The following KLKB1 variants were observed in gnomAD, a reference collection of about 807,000 sequenced individuals.
KLKB1 encodes the protein kallikrein B1.
Under a neutral mutation model 73.6 loss-of-function variants are expected in KLKB1, and 58 were observed. The observed-to-expected ratio is 0.79, with a 90% CI of 0.64 to 0.98. KLKB1 has a LOEUF of 0.98. KLKB1 is among the 50% of genes least tolerant of loss of function. The probability of loss-of-function intolerance (pLI) is 0.00; values close to 1 mark genes in which losing one functional copy is unlikely to be tolerated. For missense variants in KLKB1, 737 were observed against 763.8 expected (o/e 0.96, Z 0.41); for synonymous variants, 280 against 258.1 (o/e 1.08, Z -0.81).
chr4:186,255,065 A>G (rs570036864), intron 12 of KLKB1, among the ~76,000 whole-genome samples: 2 of 152,348 alleles, frequency 1.3e-5, no homozygotes, highest in East Asian at 1.9e-4. Flanking sequence ...TGCTTTGACA[A>G]GAGTAGCAGA....
intron 6 of KLKB1, among the ~76,000 whole-genome samples, chr4:186,238,909 T>G (rs1737849709): frequency 6.7e-6 from 1 of 148,874 alleles, no homozygotes; most frequent in African/African-American, 2.5e-5. Flanking sequence ...TATAGGACAG[T>G]GATATAGGAC....
At chr4:186,224,941 C>G (rs1385477708), upstream of KLKB1, among the ~76,000 whole-genome samples, 2 of 152,142 alleles carry the variant, frequency 1.3e-5, no homozygotes, top group African/African-American at 4.8e-5. Flanking sequence ...GAGGTGGTTT[C>G]CCCTGTGCTG....
intron 2 of KLKB1, chr4:186,210,948 T>C: frequency 3.7e-6 from 1 of 272,438 alleles, no homozygotes; most frequent in South Asian, 4.1e-5. Context: ...GCAATTCTTC[T>C]GCCTCAGCCT....
chr4:186,240,790 G>A (rs1020735058), intron 6 of KLKB1, among the ~76,000 whole-genome samples: 5 of 152,126 alleles, frequency 3.3e-5, no homozygotes, highest in South Asian at 2.1e-4. Flanking sequence ...TAATTTTAAC[G>A]TTCATATTAT....
intron 5 of KLKB1, 54 bp downstream of exon 5, chr4:186,236,994 T>C: frequency 3.8e-6 from 6 of 1,574,158 alleles, no homozygotes; most frequent in South Asian, 1.1e-5. Context: ...AGGATTTCAC[T>C]GTATTCTTCT....
intron 11 of KLKB1, among the ~76,000 whole-genome samples, chr4:186,253,762 A>G (rs1738834108): frequency 6.6e-6 from 1 of 152,030 alleles, no homozygotes; most frequent in Non-Finnish European, 1.5e-5. Context: ...CTTAGTATAC[A>G]TTCATCTTTT....
intron 2 of KLKB1, among the ~76,000 whole-genome samples, chr4:186,219,720 G>A (rs1047522528): frequency 6.6e-6 from 1 of 152,156 alleles, no homozygotes; most frequent in Non-Finnish European, 1.5e-5. Context: ...TCAGCAGGTT[G>A]TGGTTTTTTA....
At chr4:186,222,054 A>C (rs1008169444), upstream of KLKB1, among the ~76,000 whole-genome samples, 1 of 152,112 alleles carries the variant, frequency 6.6e-6, no homozygotes, top group African/African-American at 2.4e-5. Context: ...CTTAAACTCT[A>C]TCTCATCTGT....
intron 2 of KLKB1, among the ~76,000 whole-genome samples, chr4:186,216,801 C>T (rs748277634): frequency 1.6e-4 from 24 of 152,172 alleles, no homozygotes; most frequent in Non-Finnish European, 3.4e-4. Context: ...TCCCTCTTAA[C>T]GCTCTGAATC....
At chr4:186,247,071 C>A (rs1423866914) in intron 6 of KLKB1, among the ~76,000 whole-genome samples, 1 of 152,022 alleles carries the variant, frequency 6.6e-6, no homozygotes, top group Non-Finnish European at 1.5e-5. Context: ...GGCTGCTTAC[C>A]CAATTTAAAA....
At chr4:186,234,921 A>G (rs1033449507) in intron 4 of KLKB1, among the ~76,000 whole-genome samples, 1 of 152,238 alleles carries the variant, frequency 6.6e-6, no homozygotes, top group Non-Finnish European at 1.5e-5. Context: ...ATGTATGACT[A>G]TATATCATTA....
rs1355397137 is a variant in KLKB1 at position 186,254,690 on chromosome 4, C to T, written c.1416C>T (p.His472=). 2 of 1,613,634 alleles carry T rather than the reference C, an allele frequency of 1.2e-6. No individual in the cohort carries two copies. The highest frequency in any genetic ancestry group is 2.2e-5 in the East Asian group (1 of 44,886). ...PFSQIKEIII[H]QNYKVSEGNH... is the part of the protein sequence containing the mutation. ...CACAAATAAAAGAGATTATTATTCACCAAAACTATAAAGTCTCAGAAGGGA... is the reference window on the plus strand; with the variant it reads ...CACAAATAAAAGAGATTATTATTCATCAAAACTATAAAGTCTCAGAAGGGA... Residue 472 remains histidine (H), a synonymous_variant, in exon 12 of 15, where the codon CAC becomes CAT. Coordinates refer to ENST00000264690, the MANE Select transcript of KLKB1 (RefSeq NM_000892.5).
intron 6 of KLKB1, among the ~76,000 whole-genome samples, chr4:186,243,171 G>A (rs1738143187): frequency 6.6e-6 from 1 of 151,070 alleles, no homozygotes; most frequent in Admixed American, 6.6e-5. Context: ...GAGGGGGCCT[G>A]AGCAATCCCT....
upstream of KLKB1, chr4:186,227,301 A>G (rs1370509503): frequency 2.0e-5 from 3 of 152,166 alleles, no homozygotes; most frequent in South Asian, 2.1e-4. Context: ...GTTCGAATTG[A>G]TGTTTCTGCA....
At chr4:186,237,983 T>G (rs572673908) in intron 5 of KLKB1, among the ~76,000 whole-genome samples, 9 of 152,246 alleles carry the variant, frequency 5.9e-5, no homozygotes, top group African/African-American at 1.7e-4. Context: ...TTGGTGTCAT[T>G]TTTCCTGAAG....
chr4:186,250,494 T>A, intron 7 of KLKB1, 92 bp downstream of exon 7: 1 of 1,460,696 alleles, frequency 6.8e-7, no homozygotes, highest in Non-Finnish European at 9.6e-7. Context: ...TCTGAGTTCT[T>A]AAAAGTTTCG....
upstream of KLKB1, among the ~76,000 whole-genome samples, chr4:186,224,405 C>G (rs559447513): frequency 3.3e-5 from 5 of 152,352 alleles, no homozygotes; most frequent in South Asian, 1.0e-3. Flanking sequence ...GGGCTGTACC[C>G]TGCAAAGCCA....
At chr4:186,242,174 G>C (rs1048690584) in intron 6 of KLKB1, among the ~76,000 whole-genome samples, 7 of 152,014 alleles carry the variant, frequency 4.6e-5, no homozygotes, top group African/African-American at 7.3e-5. Flanking sequence ...GGTGCTCAGT[G>C]GGGGAGCTTC....
chr4:186,257,067 A>T (rs573465815), intron 13 of KLKB1, among the ~76,000 whole-genome samples, 159 bp from the exon 14 acceptor site: 1 of 152,110 alleles, frequency 6.6e-6, no homozygotes, highest in Non-Finnish European at 1.5e-5. Context: ...GTATTCAAAG[A>T]TAAGGTCCTT....
Sources: gnomAD v4.1 joint callset for allele counts (sites outside exome capture counted in the v4.1 genomes callset) on GRCh38, gnomAD v4.1.1 for gene constraint, MANE v1.5 for transcripts, NCBI Gene and HGNC (gene_info 2026-07-23, HGNC 2026-07-21) for gene names.